CACHD1: variants seen among roughly 807,000 people sequenced by gnomAD.
CACHD1 encodes the protein VWFA and cache domain-containing protein 1.
A neutral mutation model predicts 138.7 loss-of-function variants in CACHD1; 71 were observed. That is an observed-to-expected ratio of 0.51 (90% confidence interval 0.42 to 0.62). CACHD1 has a LOEUF of 0.62. CACHD1 is among the 20% of genes least tolerant of loss of function. The probability of loss-of-function intolerance (pLI) is 0.00; values close to 1 mark genes in which losing one functional copy is unlikely to be tolerated. For synonymous variants in CACHD1, 578 were observed against 591.5 expected (o/e 0.98, Z 0.33); for missense variants, 1,389 against 1,625.3 (o/e 0.85, Z 2.50).
At position 64,603,099 on chromosome 1, in the gene CACHD1, CTTTTTTTTTTTTTT is replaced by C. The variant is rs34372401; in HGVS notation, c.517+199_517+212del. 4.8e-4 allele frequency among the ~76,000 whole-genome samples: 31 copies of C among 64,942 alleles called. 1 individual carries two copies. Among genetic ancestry groups the C allele is most frequent in the Admixed American group, 3.7e-3 (15 of 4,062 alleles). 42.6% of individuals were successfully genotyped at this position (64,942 alleles called of 152,430 possible). A position where few individuals can be genotyped will look rare whatever the true frequency, so the allele number is the denominator to read the frequency against. The stretch of plus-strand genomic sequence containing the variant: ...GAAGAAGAAAAAATCAAGCTTACAT[CTTTTTTTTTTTTTT>C]TTTTTTTTTTTGAAACAGTCTCACT... On this transcript the variant is annotated intron_variant, in intron 4 of 26. Transcript: ENST00000651257.
intron 1 of CACHD1, among the ~76,000 whole-genome samples, chr1:64,517,666 T>C (rs1208280210): frequency 6.6e-6 from 1 of 151,914 alleles, no homozygotes; most frequent in Admixed American, 6.6e-5. Flanking sequence ...ATTGTAAGGG[T>C]AAGGGGAACC....
At chr1:64,475,969 G>A (rs141108025) in intron 1 of CACHD1, among the ~76,000 whole-genome samples, 2 of 152,284 alleles carry the variant, frequency 1.3e-5, no homozygotes, top group East Asian at 3.9e-4. Context: ...TAGTGCAGTG[G>A]TAGAGAGAGA....
Position 64,684,137 on chromosome 1 carries a change from GTT to G in CACHD1, c.3586+2033_3586+2034del, listed in dbSNP as rs1339502007. On this transcript the variant is annotated intron_variant, in intron 26 of 26. Transcript: ENST00000651257. ...TGTGTAGGCCTGGGCTAATGTGTGT[GTT>G]TGTGTCTTAGTTTTTTTGTGTGTGT... 3.9e-5 allele frequency among the ~76,000 whole-genome samples: 6 copies of G among 152,266 alleles called. No homozygotes were observed. The East Asian group carries it at 1.2e-3, about 29-fold the overall frequency.
chr1:64,616,616 A>G (rs1647716173), intron 4 of CACHD1, among the ~76,000 whole-genome samples: 1 of 152,176 alleles, frequency 6.6e-6, no homozygotes, highest in Non-Finnish European at 1.5e-5. Context: ...CCAGATTTTA[A>G]TGGATCATTT....
intron 1 of CACHD1, among the ~76,000 whole-genome samples, chr1:64,522,599 C>T (rs960039640): frequency 8.6e-5 from 13 of 151,936 alleles, no homozygotes; most frequent in East Asian, 3.9e-4. Flanking sequence ...GAGCCCTGGT[C>T]GGAGCAAGTT....
At chr1:64,583,862 C>A (rs1028691156) in intron 3 of CACHD1, among the ~76,000 whole-genome samples, 2 of 152,106 alleles carry the variant, frequency 1.3e-5, no homozygotes, top group African/African-American at 4.8e-5. Flanking sequence ...GGAAAACCCA[C>A]CCACCGATTC....
intron 7 of CACHD1, among the ~76,000 whole-genome samples, chr1:64,638,210 G>A (rs1648587300): frequency 6.6e-6 from 1 of 152,168 alleles, no homozygotes; most frequent in Admixed American, 6.5e-5. Context: ...TTATTCTAGT[G>A]TAAACTCTAT....
At chr1:64,482,094 T>A (rs1029933017) in intron 1 of CACHD1, among the ~76,000 whole-genome samples, 5 of 152,224 alleles carry the variant, frequency 3.3e-5, no homozygotes, top group African/African-American at 1.2e-4. Flanking sequence ...TTTTCATGTC[T>A]GTATTACTGG....
chr1:64,681,186 T>G (rs1174054504), intron 24 of CACHD1, 72 bp from the exon 25 acceptor site: 5 of 1,134,002 alleles, frequency 4.4e-6, no homozygotes, highest in Non-Finnish European at 6.7e-6. Context: ...AAACAAGTGC[T>G]CAGCAGGGTA....
At chr1:64,483,099 G>A (rs1646220419) in intron 1 of CACHD1, among the ~76,000 whole-genome samples, 1 of 152,106 alleles carries the variant, frequency 6.6e-6, no homozygotes, top group Non-Finnish European at 1.5e-5. Flanking sequence ...AAATGTCTAG[G>A]GTCTTTATCT....
chr1:64,594,418 C>G (rs1438620359), intron 3 of CACHD1, among the ~76,000 whole-genome samples: 1 of 152,086 alleles, frequency 6.6e-6, no homozygotes, highest in Non-Finnish European at 1.5e-5. Context: ...ACTATGTGTT[C>G]CTTCTTAGAA....
chr1:64,625,626 CAGA>C (rs1648070064), intron 4 of CACHD1, among the ~76,000 whole-genome samples: 1 of 142,358 alleles, frequency 7.0e-6, no homozygotes, highest in African/African-American at 2.6e-5. Context: ...GACTCAGTCT[CAGA>C]AAAAAAAAAA....
chr1:64,685,795 AC>A (rs1438969681), intron 26 of CACHD1, among the ~76,000 whole-genome samples: 10 of 151,584 alleles, frequency 6.6e-5, no homozygotes, highest in Non-Finnish European at 1.3e-4. Context: ...CCATGTTAGC[AC>A]CACTGCACTC....
intron 5 of CACHD1, among the ~76,000 whole-genome samples, chr1:64,632,387 TC>T (rs1315602398): frequency 6.6e-6 from 1 of 151,926 alleles, no homozygotes; most frequent in Non-Finnish European, 1.5e-5. Flanking sequence ...AAATTACCCA[TC>T]CCTGTTCTAC....
At chr1:64,563,091 A>T (rs1646854788) in intron 2 of CACHD1, among the ~76,000 whole-genome samples, 1 of 152,144 alleles carries the variant, frequency 6.6e-6, no homozygotes, top group Non-Finnish European at 1.5e-5. Flanking sequence ...TTATCTTTAG[A>T]TAGAGTTTGC....
In CACHD1 at chr1:64,500,757, A is replaced by T. The variant is rs1219638776; in HGVS notation, c.198+29815A>T. ...AAAAGAGAGAGAGAGAGAGAGAGAGAGAGAGAGAGTCCGGACGCGGTGGCT... is the reference window on the plus strand; with the variant it reads ...AAAAGAGAGAGAGAGAGAGAGAGAGTGAGAGAGAGTCCGGACGCGGTGGCT... On this transcript the variant is annotated intron_variant, in intron 1 of 26. Transcript: ENST00000651257. Among the ~76,000 whole-genome samples, 27 of 146,366 alleles carry T rather than the reference A, an allele frequency of 1.8e-4. No individual in the cohort carries two copies. In the South Asian group the frequency reaches 5.2e-3, roughly 28 times the overall value.
At chr1:64,520,040 GTCT>G (rs1274679074) in intron 1 of CACHD1, among the ~76,000 whole-genome samples, 1 of 152,162 alleles carries the variant, frequency 6.6e-6, no homozygotes, top group Non-Finnish European at 1.5e-5. Flanking sequence ...AGTCCCAGCT[GTCT>G]TCTTTTAGTT....
intron 1 of CACHD1, among the ~76,000 whole-genome samples, chr1:64,485,910 T>C (rs530574830): frequency 2.2e-4 from 34 of 152,178 alleles, no homozygotes; most frequent in Non-Finnish European, 4.3e-4. Flanking sequence ...ATATGTTAAG[T>C]GTATGTTAAA....
chr1:64,632,368 T>C (rs1228029842), intron 5 of CACHD1, among the ~76,000 whole-genome samples: 1 of 152,142 alleles, frequency 6.6e-6, no homozygotes, highest in African/African-American at 2.4e-5. Context: ...CTTTGATCTT[T>C]AAAGGCATAA....
Sources: allele counts gnomAD v4.1 joint callset (sites outside exome capture counted in the v4.1 genomes callset), GRCh38; gene constraint gnomAD v4.1.1; transcripts MANE v1.5; gene names NCBI Gene and HGNC (gene_info 2026-07-23, HGNC 2026-07-21).